The following ADGRL3 variants were observed in gnomAD, a reference collection of about 807,000 sequenced individuals.
ADGRL3 encodes calcium-independent alpha-latrotoxin receptor 3.
In ADGRL3, 62 loss-of-function variants were observed where a neutral mutation model predicts 153.5. That is an observed-to-expected ratio of 0.40 (90% CI 0.33 to 0.50). ADGRL3 has a LOEUF of 0.50. Among genes scored for constraint, ADGRL3 ranks in the 20% least tolerant of loss-of-function variants. The pLI is 0.47. For missense variants in ADGRL3, 1,641 were observed against 1,859.4 expected, an observed-to-expected ratio of 0.88 and a Z score of 2.16; for synonymous variants, 710 against 672.5, an observed-to-expected ratio of 1.06 and a Z score of -0.86.
intron 4 of ADGRL3, among the ~76,000 whole-genome samples, chr4:61,538,244 G>A (rs928892501): frequency 2.0e-5 from 3 of 149,462 alleles, no homozygotes; most frequent in Non-Finnish European, 1.5e-5. Flanking sequence ...GCTAAGACTC[G>A]TTGTGTGCTT....
intron 5 of ADGRL3, among the ~76,000 whole-genome samples, chr4:61,601,949 C>T (rs1044147355): frequency 2.0e-5 from 3 of 152,042 alleles, no homozygotes; most frequent in East Asian, 3.9e-4. Context: ...CTGCCTTCTG[C>T]GTGATTGTGA....
At chr4:61,269,778 C>T (rs1333977430) in intron 1 of ADGRL3, among the ~76,000 whole-genome samples, 1 of 151,736 alleles carries the variant, frequency 6.6e-6, no homozygotes, top group Non-Finnish European at 1.5e-5. Flanking sequence ...CAGACTATCA[C>T]ATTTAATCTG....
At chr4:61,765,585 G>C (rs918798286) in intron 8 of ADGRL3, among the ~76,000 whole-genome samples, 33 of 152,124 alleles carry the variant, frequency 2.2e-4, no homozygotes, top group Non-Finnish European at 3.7e-4. Flanking sequence ...ATAAAGGCTC[G>C]TCTGTTATCA....
chr4:61,372,059 G>T (rs531997004), intron 1 of ADGRL3, among the ~76,000 whole-genome samples: 1 of 151,982 alleles, frequency 6.6e-6, no homozygotes, highest in African/African-American at 2.4e-5. Flanking sequence ...CGTAGTTCTC[G>T]AGCCTTGGTT....
At chr4:61,667,517 G>A (rs1393912229) in intron 5 of ADGRL3, among the ~76,000 whole-genome samples, 1 of 152,104 alleles carries the variant, frequency 6.6e-6, no homozygotes, top group African/African-American at 2.4e-5. Context: ...GAAAAACATA[G>A]TAACACTGAA....
At chr4:61,460,002 A>G (rs556160340) in intron 2 of ADGRL3, among the ~76,000 whole-genome samples, 8 of 152,046 alleles carry the variant, frequency 5.3e-5, no homozygotes, top group Non-Finnish European at 1.0e-4. Context: ...GTAATTTGCA[A>G]ATATTTTCTC....
intron 6 of ADGRL3, among the ~76,000 whole-genome samples, chr4:61,700,397 G>GTA (rs991838668): frequency 6.6e-6 from 1 of 152,146 alleles, no homozygotes; most frequent in Non-Finnish European, 1.5e-5. Flanking sequence ...TGATTGAAGA[G>GTA]TATTACTTGT....
At chr4:62,066,625 G>A (rs80129521) in intron 25 of ADGRL3, among the ~76,000 whole-genome samples, 3 of 151,984 alleles carry the variant, frequency 2.0e-5, no homozygotes, top group Non-Finnish European at 2.9e-5. Flanking sequence ...ATTTAGAGAG[G>A]AAGTCATGAT....
intron 13 of ADGRL3, among the ~76,000 whole-genome samples, chr4:61,915,049 G>T (rs2098738896): frequency 6.6e-6 from 1 of 151,914 alleles, no homozygotes; most frequent in East Asian, 1.9e-4. Flanking sequence ...TTAGAATAAG[G>T]CTAATAAAGG....
At chr4:61,563,659 G>GC (rs1445269900) in intron 4 of ADGRL3, among the ~76,000 whole-genome samples, 1 of 152,186 alleles carries the variant, frequency 6.6e-6, no homozygotes, top group African/African-American at 2.4e-5. Flanking sequence ...TGCAGCTTCT[G>GC]CATTAGCACT....
At chr4:61,261,160 A>C (rs922077573) in intron 1 of ADGRL3, among the ~76,000 whole-genome samples, 6 of 147,682 alleles carry the variant, frequency 4.1e-5, no homozygotes, top group African/African-American at 1.5e-4. Flanking sequence ...TACCACTCCC[A>C]GCTATTTTTT....
In ADGRL3 at chr4:61,676,839, A is replaced by T; in HGVS notation, c.487A>T (p.Thr163Ser). The T allele has an allele frequency of 3.7e-6, 6 of 1,611,400 alleles. No individual in the cohort carries two copies. Among genetic ancestry groups the T allele is most frequent in the Non-Finnish European group, 3.4e-6 (4 of 1,178,074 alleles). Residue 163 changes from threonine to serine, a missense_variant, in exon 6 of 27, where the codon ACC becomes TCC. By Grantham distance (58) the Thr-to-Ser change is moderately conservative. Coordinates refer to ENST00000683033, the MANE Select transcript of ADGRL3 (RefSeq NM_001387552.1). ...TTTTGACTTCAGATGCAATAACAGA[A>T]CCCAGTGTGCAGTGGTGGCAGGTCC... ...KIMSQRCNNRTQCAVVAGPDV... is the reference protein window; with the variant it reads ...KIMSQRCNNRSQCAVVAGPDV...
intron 17 of ADGRL3, among the ~76,000 whole-genome samples, chr4:61,971,889 G>C (rs1249702192): frequency 1.3e-5 from 2 of 152,116 alleles, no homozygotes; most frequent in African/African-American, 4.8e-5. Flanking sequence ...GTTTTGATTT[G>C]CATTTATCTG....
chr4:62,015,019 C>T (rs1360913987), intron 21 of ADGRL3, among the ~76,000 whole-genome samples: 2 of 152,098 alleles, frequency 1.3e-5, no homozygotes, highest in East Asian at 3.9e-4. Flanking sequence ...TTGAAAAGTG[C>T]TGAAAGTATA....
chr4:61,497,738 A>G lies in ADGRL3; in HGVS notation c.55+390A>G, dbSNP rs1215653160. Among the ~76,000 whole-genome samples, 5 of 149,352 alleles carry G rather than the reference A, an allele frequency of 3.3e-5. No individual in the cohort carries two copies. In the East Asian group the frequency reaches 9.9e-4, roughly 30 times the overall value. ...ACGGGGTTTCACAGTGTTAGCCAGG[A>G]TGGTCTCGATTTCCTGACCTCGTGA... is the stretch of plus-strand genomic sequence containing the variant. On this transcript the variant is annotated intron_variant, in intron 3 of 26. Transcript: ENST00000683033.
At chr4:61,591,775 G>A (rs375450846) in intron 5 of ADGRL3, among the ~76,000 whole-genome samples, 1 of 151,844 alleles carries the variant, frequency 6.6e-6, no homozygotes. Context: ...GGAACATGCA[G>A]AAAAGAGAGA....
chr4:61,931,406 A>G (rs1201124595), intron 13 of ADGRL3, among the ~76,000 whole-genome samples: 1 of 152,204 alleles, frequency 6.6e-6, no homozygotes, highest in Admixed American at 6.5e-5. Context: ...AAGTAAAAAC[A>G]AGGTTGCAAC....
At position 61,997,971 on chromosome 4, in the gene ADGRL3, G is replaced by A. The variant is rs376972527; in HGVS notation, c.3304-203G>A. Among the ~76,000 whole-genome samples the A allele has an allele frequency of 1.1e-4, 17 of 152,294 alleles. No homozygotes were observed. The South Asian group carries it at 3.5e-3, about 32-fold the overall frequency. ...GTGATTTGGCATAGCAGGCATAGTA[G>A]TGCTTTGTAACTCAGTAGTATCCCA... is the stretch of plus-strand genomic sequence containing the variant. On this transcript the variant is annotated intron_variant, in intron 20 of 26. Coordinates refer to ENST00000683033, the MANE Select transcript of ADGRL3 (RefSeq NM_001387552.1).
At position 62,074,755 on chromosome 4, in the gene ADGRL3, A is replaced by C. The variant is rs1746625841; in HGVS notation, c.*3847A>C. The C allele has an allele frequency of 6.6e-6, 1 of 152,184 alleles. No homozygotes were observed. Among genetic ancestry groups the C allele is most frequent in the Admixed American group, 6.5e-5 (1 of 15,272 alleles). The allele number at this position is 152,184 out of a possible 1,614,324, so 9.4% of individuals were successfully genotyped here. On this transcript the variant is annotated 3_prime_UTR_variant, in exon 27 of 27. Transcript: ENST00000683033. ...AGATGTAGTTTATCATCTGTATTTT[A>C]AAATATCCATCATAACTAAAAATGT...
Sources: allele counts gnomAD v4.1 joint callset (sites outside exome capture counted in the v4.1 genomes callset), GRCh38; gene constraint gnomAD v4.1.1; transcripts MANE v1.5; gene names NCBI Gene and HGNC (gene_info 2026-07-23, HGNC 2026-07-21).